Variants in ANKHD1 observed in about 807,000 individuals in gnomAD.
ANKHD1 encodes ankyrin repeat and KH domain containing 1.
ANKHD1 carries 31 observed loss-of-function variants against 230.5 expected under a neutral mutation model. The observed-to-expected ratio is 0.13, with a 90% CI of 0.10 to 0.18. ANKHD1 has a LOEUF of 0.18. ANKHD1 is among the 10% of genes least tolerant of loss of function. The probability of loss-of-function intolerance (pLI) is 1.00; values close to 1 mark genes in which losing one functional copy is unlikely to be tolerated. For missense variants in ANKHD1, 2,256 were observed against 3,071.3 expected, an observed-to-expected ratio of 0.73 and a Z score of 6.27; for synonymous variants, 1,074 against 1,117.6, an observed-to-expected ratio of 0.96 and a Z score of 0.78.
chr5:140,522,044 T>C (rs1165872627), intron 24 of ANKHD1, among the ~76,000 whole-genome samples: 1 of 152,206 alleles, frequency 6.6e-6, no homozygotes. Context: ...TGTACATTTA[T>C]CAGCACAATT....
rs1048152294 is a variant in ANKHD1 at position 140,401,907 on chromosome 5, A to C, written c.-61A>C. ...CCTCTTGCTGCTCTTCTCGTTCCCG[A>C]GATCAGCGGCGGCGGTGACCGCGAG... On this transcript the variant is annotated 5_prime_UTR_variant, in exon 1 of 34. Coordinates refer to ENST00000360839, the MANE Select transcript of ANKHD1 (RefSeq NM_017747.3). 4.0e-6 allele frequency: 6 copies of C among 1,513,188 alleles called. No homozygotes were observed. Among genetic ancestry groups the C allele is most frequent in the Non-Finnish European group, 5.3e-6 (6 of 1,139,366 alleles). 93.7% of individuals were successfully genotyped at this position (1,513,188 alleles called of 1,614,324 possible).
chr5:140,485,315 A>G lies in ANKHD1; in HGVS notation c.1998+67A>G. 6 of 1,536,428 alleles carry G rather than the reference A, an allele frequency of 3.9e-6. No homozygotes were observed. Among genetic ancestry groups the G allele is most frequent in the East Asian group, 2.3e-5 (1 of 42,650 alleles). ...CTCATGTCTATGATCCCAGCACTTT[A>G]GAAAGCTGAGGCGGGTGGATCACTT... On this transcript the variant is annotated intron_variant, in intron 12 of 33. Transcript: ENST00000360839. This position sits in a 1 kb window ranked among gnomAD's most constrained non-coding sequence, Gnocchi z 4.8.
At chr5:140,474,551 A>G (rs1750859738) in intron 10 of ANKHD1, among the ~76,000 whole-genome samples, 1 of 149,890 alleles carries the variant, frequency 6.7e-6, no homozygotes, top group East Asian at 1.9e-4. Flanking sequence ...AAAAAATTCC[A>G]CATTTTTTCT....
At chr5:140,466,892 C>T (rs1561767547) in intron 10 of ANKHD1, among the ~76,000 whole-genome samples, 1 of 151,696 alleles carries the variant, frequency 6.6e-6, no homozygotes, top group South Asian at 2.1e-4. Flanking sequence ...TGAGATAGTG[C>T]CATTGCACTC....
chr5:140,441,120 T>G lies in ANKHD1; in HGVS notation c.891T>G (p.Asp297Glu). 6.2e-7 allele frequency: 1 copy of G among 1,603,010 alleles called. No individual in the cohort carries two copies. Among genetic ancestry groups the G allele is most frequent in the Non-Finnish European group, 8.5e-7 (1 of 1,176,126 alleles). Residue 297 changes from aspartate (D) to glutamate (E), a missense_variant, in exon 5 of 34, where the codon GAT becomes GAG. By Grantham distance (45) the Asp-to-Glu change is conservative. Around this residue, in one of 13 missense-constraint regions of ANKHD1, gnomAD observed 206 missense variants for 304.5 expected, o/e 0.68. Transcript: ENST00000360839. ...AATTATTACTTCTTCATGATGCTGA[T>G]GTCAACTCCCAGTCTGCAACAGGTA... ...IVKLLLLHDA[D>E]VNSQSATGNT...
At position 140,480,562 on chromosome 5, in the gene ANKHD1, A is replaced by G. The variant is rs560181354; in HGVS notation, c.1783-2018A>G. 2.9e-3 allele frequency among the ~76,000 whole-genome samples: 440 copies of G among 152,204 alleles called. 3 individuals are homozygous for G. The highest frequency in any genetic ancestry group is 4.7e-3 in the Non-Finnish European group (318 of 67,960). On this transcript the variant is annotated intron_variant, in intron 10 of 33. Coordinates refer to ENST00000360839, the MANE Select transcript of ANKHD1 (RefSeq NM_017747.3). Reference sequence around the variant, plus strand: ...AGAAAGAGAAAAGGGTAAAGTAAGGATAAGTGACATTAATATTGCCCAACT... The same window carrying G: ...AGAAAGAGAAAAGGGTAAAGTAAGGGTAAGTGACATTAATATTGCCCAACT...
intron 10 of ANKHD1, among the ~76,000 whole-genome samples, chr5:140,473,912 G>A (rs746412811): frequency 6.6e-6 from 1 of 152,190 alleles, no homozygotes; most frequent in African/African-American, 2.4e-5. Flanking sequence ...TACAGGTTCA[G>A]ATTCCATAGA....
chr5:140,494,492 A>G (rs982031837), intron 14 of ANKHD1, among the ~76,000 whole-genome samples: 1 of 152,154 alleles, frequency 6.6e-6, no homozygotes, highest in Admixed American at 6.5e-5. Context: ...TTGCAATTTA[A>G]GGAATAACTA....
At position 140,485,917 on chromosome 5, in the gene ANKHD1, T is replaced by A; in HGVS notation, c.2142+185T>A. ...AGGTACACTGAAATTTGTTATTGCC[T>A]TATTTATTGAGAATAGTGGTTTTTA... On this transcript the variant is annotated intron_variant, in intron 13 of 33. Coordinates refer to ENST00000360839, the MANE Select transcript of ANKHD1 (RefSeq NM_017747.3). The surrounding 1 kb of genome is among the most constrained non-coding windows in gnomAD (Gnocchi z 4.8). 1 of 878,866 alleles carries A rather than the reference T, an allele frequency of 1.1e-6. No individual in the cohort carries two copies. The highest frequency in any genetic ancestry group is 1.6e-6 in the Non-Finnish European group (1 of 607,870). 54.4% of individuals were successfully genotyped at this position (878,866 alleles called of 1,614,324 possible). A position where few individuals can be genotyped will look rare whatever the true frequency, so the allele number is the denominator to read the frequency against.
chr5:140,457,044 G>T (rs1775249273), intron 7 of ANKHD1, among the ~76,000 whole-genome samples: 1 of 152,042 alleles, frequency 6.6e-6, no homozygotes, highest in African/African-American at 2.4e-5. Flanking sequence ...GTGGACAAAG[G>T]ATATGAACAG....
intron 7 of ANKHD1, among the ~76,000 whole-genome samples, chr5:140,453,781 A>C (rs1201222177): frequency 6.6e-6 from 1 of 152,158 alleles, no homozygotes; most frequent in African/African-American, 2.4e-5. Context: ...AAAGACCATC[A>C]AGGCTAGGAA....
intron 15 of ANKHD1, 161 bp from the exon 16 acceptor site, chr5:140,504,660 T>C (rs1191433717): frequency 2.1e-6 from 2 of 961,544 alleles, no homozygotes; most frequent in Non-Finnish European, 2.9e-6. Context: ...AAAGTCAGTG[T>C]TGGAACTAAT....
chr5:140,504,805 G>A lies in ANKHD1; in HGVS notation c.3005-16G>A, dbSNP rs562578720. 6.2e-7 allele frequency: 1 copy of A among 1,604,944 alleles called. No individual in the cohort carries two copies. Among genetic ancestry groups the A allele is most frequent in the African/African-American group, 1.3e-5 (1 of 74,602 alleles). On this transcript the variant is annotated splice_polypyrimidine_tract_variant and intron_variant, in intron 15 of 33. Coordinates refer to ENST00000360839, the MANE Select transcript of ANKHD1 (RefSeq NM_017747.3). ...TCTTTTAAGTGGAATTTAGCAATAT[G>A]AATATTGTTTTTCAGCTGTGAGTAC...
At chr5:140,415,541 C>T (rs1009142886) in intron 1 of ANKHD1, among the ~76,000 whole-genome samples, 33 of 146,762 alleles carry the variant, frequency 2.2e-4, no homozygotes, top group Middle Eastern at 3.6e-3. Context: ...TGGGTTCAGG[C>T]GATTCTCCTG....
rs1390830066 is a variant in ANKHD1, at chr5:140,507,337, C to T, written c.3551+360C>T. Among the ~76,000 whole-genome samples, 4 of 152,156 alleles carry T rather than the reference C, an allele frequency of 2.6e-5. No homozygotes were observed. Among genetic ancestry groups the T allele is most frequent in the East Asian group, 1.9e-4 (1 of 5,200 alleles). ...TTATTTATTTTTTGAGATGGAGTTT[C>T]GCTCTTGTTGCCCAGGCTGGAATGC... On this transcript the variant is annotated intron_variant, in intron 19 of 33. Transcript: ENST00000360839. This position sits in a 1 kb window ranked among gnomAD's most constrained non-coding sequence, Gnocchi z 4.1.
At chr5:140,511,467 A>G (rs1752765786) in intron 22 of ANKHD1, among the ~76,000 whole-genome samples, 1 of 152,196 alleles carries the variant, frequency 6.6e-6, no homozygotes, top group African/African-American at 2.4e-5. Context: ...GTCAGTTCTC[A>G]AAGAGTATTT....
At chr5:140,524,288 T>G (rs937180629) in intron 25 of ANKHD1, 48 bp downstream of exon 25, 2 of 1,510,356 alleles carry the variant, frequency 1.3e-6, no homozygotes, top group African/African-American at 1.4e-5. Flanking sequence ...CCTTTGTTTA[T>G]CAACTTCATT....
At chr5:140,479,744 AC>A (rs1561782507) in intron 10 of ANKHD1, among the ~76,000 whole-genome samples, 20 of 136,498 alleles carry the variant, frequency 1.5e-4, no homozygotes, top group East Asian at 8.9e-4. Context: ...ATATATATAT[AC>A]TTATATATAT....
intron 24 of ANKHD1, among the ~76,000 whole-genome samples, chr5:140,519,925 A>G (rs1422030608): frequency 6.6e-6 from 1 of 152,078 alleles, no homozygotes; most frequent in Non-Finnish European, 1.5e-5. Flanking sequence ...AAAATTGACA[A>G]ATGGGATCTA....
Sources: allele counts gnomAD v4.1 joint callset (sites outside exome capture counted in the v4.1 genomes callset), GRCh38; gene constraint gnomAD v4.1.1; regional missense constraint gnomAD v4.1.1; non-coding constraint Gnocchi (gnomAD v3.1); transcripts MANE v1.5; gene names NCBI Gene and HGNC (gene_info 2026-07-23, HGNC 2026-07-21).